ABHD12B: variants seen among roughly 807,000 people sequenced by gnomAD.
ABHD12B encodes protein ABHD12B.
A neutral mutation model predicts 50.4 loss-of-function variants in ABHD12B; 42 were observed. The observed-to-expected ratio is 0.83, with a 90% CI of 0.65 to 1.08. ABHD12B has a LOEUF of 1.08. ABHD12B is among the 50% of genes least tolerant of loss of function. The probability of loss-of-function intolerance (pLI) is 0.00; values close to 1 mark genes in which losing one functional copy is unlikely to be tolerated. For synonymous variants in ABHD12B, 167 were observed against 160.3 expected, an observed-to-expected ratio of 1.04 and a Z score of -0.32; for missense variants, 479 against 447.7, an observed-to-expected ratio of 1.07 and a Z score of -0.63.
At position 50,890,549 on chromosome 14, in the gene ABHD12B, T is replaced by C. The variant is rs183541234; in HGVS notation, c.780+1646T>C. Among the ~76,000 whole-genome samples, 338 of 152,340 alleles carry C rather than the reference T, an allele frequency of 2.2e-3. 2 individuals are homozygous for C. Among genetic ancestry groups the C allele is most frequent in the African/African-American group, 7.8e-3 (324 of 41,582 alleles). On this transcript the variant is annotated intron_variant, in intron 9 of 12. Transcript: ENST00000337334. Reference sequence around the variant, plus strand: ...AATATTGTTTTGTCTGTGAACTTTATATGAAAGTAAAATTATATAGAATAT... The same window carrying C: ...AATATTGTTTTGTCTGTGAACTTTACATGAAAGTAAAATTATATAGAATAT...
intron 5 of ABHD12B, among the ~76,000 whole-genome samples, chr14:50,882,539 G>T (rs1229712376): frequency 6.6e-6 from 1 of 151,672 alleles, no homozygotes; most frequent in Non-Finnish European, 1.5e-5. Context: ...ACCACGCCCG[G>T]CTAATTTTGT....
chr14:50,901,299 A>G (rs997759662), intron 9 of ABHD12B, among the ~76,000 whole-genome samples: 5 of 152,244 alleles, frequency 3.3e-5, no homozygotes, highest in African/African-American at 1.2e-4. Context: ...TAGTATGTCT[A>G]GAGTGAGCAT....
At chr14:50,897,248 A>AT (rs542196403) in intron 9 of ABHD12B, among the ~76,000 whole-genome samples, 26 of 151,870 alleles carry the variant, frequency 1.7e-4, no homozygotes, top group African/African-American at 4.1e-4. Flanking sequence ...AATTTTTTGC[A>AT]TTTTTAGTAG....
chr14:50,881,303 C>T (rs570423935), intron 4 of ABHD12B, among the ~76,000 whole-genome samples: 2 of 152,236 alleles, frequency 1.3e-5, no homozygotes, highest in South Asian at 2.1e-4. Flanking sequence ...CTGCCTGTGA[C>T]TCCCTTCCTC....
chr14:50,876,441 T>C (rs2049864827), intron 1 of ABHD12B, among the ~76,000 whole-genome samples: 1 of 152,192 alleles, frequency 6.6e-6, no homozygotes, highest in Non-Finnish European at 1.5e-5. Flanking sequence ...GACTTTGTTA[T>C]CAGAGGGCTC....
At chr14:50,896,799 C>T (rs2050205993) in intron 9 of ABHD12B, among the ~76,000 whole-genome samples, 1 of 152,188 alleles carries the variant, frequency 6.6e-6, no homozygotes. Context: ...GCGGACTCAG[C>T]CCGCCTGCAC....
At chr14:50,895,998 A>G (rs993074825) in intron 9 of ABHD12B, among the ~76,000 whole-genome samples, 2 of 151,572 alleles carry the variant, frequency 1.3e-5, no homozygotes, top group African/African-American at 4.9e-5. Flanking sequence ...GCTATATCTC[A>G]TTGCCGCCCT....
At chr14:50,892,557 C>T (rs1216649579) in intron 9 of ABHD12B, 2 of 985,418 alleles carry the variant, frequency 2.0e-6, no homozygotes, top group East Asian at 2.3e-4. Context: ...AGCCAACACT[C>T]ACAGCAGAAG....
At position 50,888,248 on chromosome 14, in the gene ABHD12B, G is replaced by A. The variant is rs188210505; in HGVS notation, c.701-576G>A. Among the ~76,000 whole-genome samples the A allele has an allele frequency of 2.0e-5, 3 of 148,702 alleles. No homozygotes were observed. In the East Asian group the frequency reaches 5.9e-4, roughly 29 times the overall value. On this transcript the variant is annotated intron_variant, in intron 8 of 12. Transcript: ENST00000337334. ...GTGGCGGAGTCTTGCTCTGTCGCCA[G>A]GCTGGAGTGCAGTGGCGCAATCTCG...
At chr14:50,895,010 G>C (rs1247880729) in intron 9 of ABHD12B, among the ~76,000 whole-genome samples, 1 of 149,260 alleles carries the variant, frequency 6.7e-6, no homozygotes, top group Non-Finnish European at 1.5e-5. Context: ...TCTTAAAAAG[G>C]TGGCTGGAGC....
intron 1 of ABHD12B, among the ~76,000 whole-genome samples, chr14:50,872,513 T>G (rs2049801455): frequency 6.6e-6 from 1 of 152,230 alleles, no homozygotes; most frequent in Non-Finnish European, 1.5e-5. Context: ...CTCTCAGGTT[T>G]GGTATTTCAG....
chr14:50,898,170 A>G (rs2050220696), intron 9 of ABHD12B, among the ~76,000 whole-genome samples: 1 of 152,222 alleles, frequency 6.6e-6, no homozygotes, highest in African/African-American at 2.4e-5. Context: ...CGCACTCGTT[A>G]TTCTTTTAAA....
rs776162686 is a variant in ABHD12B at position 50,886,674 on chromosome 14, A to C, written c.690A>C (p.Leu230=). The stretch of plus-strand genomic sequence containing the variant: ...TTGCAACAAATGCTGCAAAAGTGCT[A>C]GAAGAAAAAGGTAATATAAAATGCT... The part of the protein sequence containing the change: ...TGVATNAAKV[L]EEKGCPVDAI... The change falls in exon 8 of 13, where the codon CTA becomes CTC. Residue 230 remains leucine, a synonymous_variant. Transcript: ENST00000337334. 1.2e-6 allele frequency: 2 copies of C among 1,608,800 alleles called. No individual in the cohort carries two copies. The highest frequency in any genetic ancestry group is 1.7e-6 in the Non-Finnish European group (2 of 1,177,194).
At chr14:50,878,433 T>G (rs985186286) in intron 2 of ABHD12B, among the ~76,000 whole-genome samples, 6 of 152,226 alleles carry the variant, frequency 3.9e-5, no homozygotes, top group Non-Finnish European at 7.3e-5. Flanking sequence ...TAGGCCTTTT[T>G]ACCTTCTTAG....
chr14:50,898,304 C>T (rs1248514344), intron 9 of ABHD12B, among the ~76,000 whole-genome samples: 1 of 152,198 alleles, frequency 6.6e-6, no homozygotes, highest in Non-Finnish European at 1.5e-5. Context: ...CTCAAACCTA[C>T]ATCTTCTAAT....
intron 5 of ABHD12B, among the ~76,000 whole-genome samples, chr14:50,882,372 G>GTTTTTTTTTTTTT (rs1486684470): frequency 2.4e-5 from 1 of 41,620 alleles, no homozygotes; most frequent in African/African-American, 8.8e-5. Context: ...CAGAATGTCT[G>GTTTTTTTTTTTTT]CTTTTTTTTT....
In ABHD12B at chr14:50,872,198, G is replaced by A. The variant is rs1055364579; in HGVS notation, c.24G>A (p.Ala8=). The change falls in exon 1 of 13, where the codon GCG becomes GCA. Residue 8 remains alanine, a synonymous_variant. Transcript: ENST00000337334. MDAQDCQ[A]AASPEPPGPP... ...GGATGGACGCGCAGGACTGCCAGGC[G>A]GCCGCATCGCCCGAGCCGCCCGGGC... 1.5e-5 allele frequency: 21 copies of A among 1,368,178 alleles called. No homozygotes were observed. The highest frequency in any genetic ancestry group is 4.9e-5 in the South Asian group (3 of 60,732). 84.8% of individuals were successfully genotyped at this position (1,368,178 alleles called of 1,614,324 possible). A position where few individuals can be genotyped will look rare whatever the true frequency, so the allele number is the denominator to read the frequency against.
At chr14:50,895,865 G>C (rs1035973780) in intron 9 of ABHD12B, 1 of 151,966 alleles carries the variant, frequency 6.6e-6, no homozygotes, top group Non-Finnish European at 1.5e-5. Context: ...CCCAACTCTG[G>C]TGCCAACTTA....
chr14:50,888,941 G>C lies in ABHD12B; in HGVS notation c.780+38G>C, dbSNP rs548798407. ...TTCATCTTTACAAGGGATCAAAGTA[G>C]GCTATTTTGATACAGTGTAGGCTAT... On this transcript the variant is annotated intron_variant, in intron 9 of 12. Coordinates refer to ENST00000337334, the MANE Select transcript of ABHD12B (RefSeq NM_001206673.2). The C allele has an allele frequency of 3.8e-5, 60 of 1,566,670 alleles. No individual in the cohort carries two copies. In the East Asian group the frequency reaches 1.3e-3, roughly 35 times the overall value.
Sources: gnomAD v4.1 joint callset for allele counts (sites outside exome capture counted in the v4.1 genomes callset) on GRCh38, gnomAD v4.1.1 for gene constraint, MANE v1.5 for transcripts, NCBI Gene and HGNC (gene_info 2026-07-23, HGNC 2026-07-21) for gene names.